The following PTPRN2 variants were observed in gnomAD, a reference collection of about 807,000 sequenced individuals.
PTPRN2 encodes receptor-type tyrosine-protein phosphatase N2.
PTPRN2 carries 74 observed loss-of-function variants against 118.8 expected under a neutral mutation model. The observed-to-expected ratio is 0.62, with a 90% confidence interval of 0.52 to 0.76. The LOEUF (loss-of-function observed/expected upper bound fraction) is 0.76. Ranked by LOEUF, PTPRN2 falls within the 30% of genes least tolerant of loss-of-function variation. PTPRN2 has a pLI of 0.00. For synonymous variants in PTPRN2, 641 were observed against 608.0 expected, an observed-to-expected ratio of 1.05 and a Z score of -0.80; for missense variants, 1,481 against 1,394.4, an observed-to-expected ratio of 1.06 and a Z score of -0.99.
chr7:157,843,507 C>A (rs1808581790), intron 12 of PTPRN2, among the ~76,000 whole-genome samples: 1 of 152,200 alleles, frequency 6.6e-6, no homozygotes, highest in African/African-American at 2.4e-5. Flanking sequence ...TGCCTCTGAG[C>A]CTCCCCTGGA....
At chr7:158,388,610 C>A (rs1056890316) in intron 2 of PTPRN2, among the ~76,000 whole-genome samples, 1 of 152,182 alleles carries the variant, frequency 6.6e-6, no homozygotes. Context: ...GCTCCATGAA[C>A]CTCTCACTTA....
rs534306460 is a variant in PTPRN2, at chr7:158,085,157, C to T, written c.1644-3780G>A. On this transcript the variant is annotated intron_variant, in intron 10 of 22. Transcript: ENST00000389418. ...CCACCACACCCATCCACACCCTCGA[C>T]GCCCATCCAGATACCCATCCACACC... Among the ~76,000 whole-genome samples, 34 of 134,964 alleles carry T rather than the reference C, an allele frequency of 2.5e-4. 2 individuals carry two copies. In the South Asian group the frequency reaches 8.5e-3, roughly 34 times the overall value. 88.5% of individuals were successfully genotyped at this position (134,964 alleles called of 152,430 possible).
chr7:157,552,585 G>A (rs937794510), intron 21 of PTPRN2, among the ~76,000 whole-genome samples: 1 of 152,180 alleles, frequency 6.6e-6, no homozygotes, highest in Admixed American at 6.5e-5. Flanking sequence ...TTGGCCATAC[G>A]CTGCTGGGTT....
intron 2 of PTPRN2, among the ~76,000 whole-genome samples, chr7:158,480,184 C>T (rs1464235384): frequency 4.6e-5 from 7 of 152,288 alleles, no homozygotes; most frequent in African/African-American, 1.2e-4. Context: ...AGGAGTCCAT[C>T]GGCACCATTT....
chr7:158,478,594 C>A (rs1275684005), intron 2 of PTPRN2, among the ~76,000 whole-genome samples: 2 of 152,184 alleles, frequency 1.3e-5, no homozygotes, highest in African/African-American at 4.8e-5. Flanking sequence ...CATCCCTGAG[C>A]TGGACCCACA....
chr7:158,231,652 G>A (rs562581676), intron 3 of PTPRN2, among the ~76,000 whole-genome samples: 6 of 152,168 alleles, frequency 3.9e-5, no homozygotes, highest in South Asian at 2.1e-4. Context: ...CATTTCACCC[G>A]ACTGCTACAG....
chr7:158,057,096 C>T (rs1039451343), intron 11 of PTPRN2, among the ~76,000 whole-genome samples: 22 of 152,248 alleles, frequency 1.4e-4, no homozygotes, highest in African/African-American at 4.3e-4. Context: ...GCCCAGCTCC[C>T]GATTCCGCTC....
chr7:158,525,372 G>GC lies in PTPRN2; in HGVS notation c.113-35588dup, dbSNP rs964784918. ...GAAGGTAGCACGGGCAGGATGCTAG[G>GC]CCCCAGGGGCCATGGGCTACGCACG... is the stretch of plus-strand genomic sequence containing the variant. On this transcript the variant is annotated intron_variant, in intron 1 of 22. Transcript: ENST00000389418. This position sits in a 1 kb window ranked among gnomAD's most constrained non-coding sequence, Gnocchi z 4.1. Among the ~76,000 whole-genome samples the GC allele has an allele frequency of 2.6e-5, 4 of 152,216 alleles. No homozygotes were observed. Among genetic ancestry groups the GC allele is most frequent in the African/African-American group, 9.6e-5 (4 of 41,454 alleles).
In PTPRN2 at chr7:158,579,018, C is replaced by A. The variant is rs560958896; in HGVS notation, c.112+8540G>T. Among the ~76,000 whole-genome samples the A allele has an allele frequency of 9.8e-3, 1,488 of 152,290 alleles. 27 individuals carry two copies. Among genetic ancestry groups the A allele is most frequent in the African/African-American group, 0.033 (1,379 of 41,562 alleles). On this transcript the variant is annotated intron_variant, in intron 1 of 22. Coordinates refer to ENST00000389418, the MANE Select transcript of PTPRN2 (RefSeq NM_002847.5). Reference sequence around the variant, plus strand: ...CCTCAGATGATCTGCCCACCTCAGCCTCCCGAAGTGCTGGGATTACAGGCG... The same window carrying A: ...CCTCAGATGATCTGCCCACCTCAGCATCCCGAAGTGCTGGGATTACAGGCG...
At chr7:157,725,272 G>C (rs2952639) in intron 12 of PTPRN2, among the ~76,000 whole-genome samples, 45,040 of 109,868 alleles carry the variant, frequency 0.41, 8,661 homozygotes, top group Middle Eastern at 0.52. Flanking sequence ...GCCAGACCCT[G>C]GCCTCCCAGG....
intron 11 of PTPRN2, among the ~76,000 whole-genome samples, chr7:158,001,366 G>A (rs1805247861): frequency 6.6e-6 from 1 of 151,984 alleles, no homozygotes; most frequent in African/African-American, 2.4e-5. Flanking sequence ...GCAACCCAGA[G>A]GTAGAGTTCA....
intron 14 of PTPRN2, among the ~76,000 whole-genome samples, chr7:157,646,383 C>T (rs1465250): frequency 6.6e-6 from 1 of 152,050 alleles, no homozygotes; most frequent in Non-Finnish European, 1.5e-5. Context: ...TGCCATGTGA[C>T]GTCTTGGCTC....
chr7:158,415,501 T>G (rs962410206), intron 2 of PTPRN2, among the ~76,000 whole-genome samples: 1 of 152,166 alleles, frequency 6.6e-6, no homozygotes, highest in Admixed American at 6.5e-5. Context: ...GATTCAGATG[T>G]CACTGCTCCG....
intron 14 of PTPRN2, among the ~76,000 whole-genome samples, chr7:157,650,035 G>C (rs2150722261): frequency 6.6e-6 from 1 of 152,092 alleles, no homozygotes; most frequent in South Asian, 2.1e-4. Context: ...ACGCGTAAAT[G>C]GCTCTCAAAG....
chr7:157,997,767 C>T (rs1804866906), intron 11 of PTPRN2, among the ~76,000 whole-genome samples: 1 of 149,054 alleles, frequency 6.7e-6, no homozygotes, highest in Non-Finnish European at 1.5e-5. Flanking sequence ...CAGACCAGCC[C>T]CTGCACAGAG....
At chr7:158,545,350 C>T (rs1051806590) in intron 1 of PTPRN2, among the ~76,000 whole-genome samples, 4 of 152,346 alleles carry the variant, frequency 2.6e-5, no homozygotes, top group Admixed American at 1.3e-4. Context: ...TGCAGACCGA[C>T]GCAGTGGGAG....
intron 14 of PTPRN2, among the ~76,000 whole-genome samples, chr7:157,635,281 C>A (rs1258147493): frequency 2.6e-5 from 4 of 152,264 alleles, no homozygotes; most frequent in Non-Finnish European, 5.9e-5. Flanking sequence ...AGGGTACAGG[C>A]ACCCACGGAA....
intron 2 of PTPRN2, among the ~76,000 whole-genome samples, chr7:158,398,379 A>G (rs1812687360): frequency 6.6e-6 from 1 of 152,104 alleles, no homozygotes; most frequent in African/African-American, 2.4e-5. Context: ...CAGCTGCCTC[A>G]TCCTCCCCCA....
intron 1 of PTPRN2, among the ~76,000 whole-genome samples, chr7:158,506,032 G>A (rs765778502): frequency 6.6e-6 from 1 of 152,246 alleles, no homozygotes; most frequent in African/African-American, 2.4e-5. Context: ...GGCTGCAGAG[G>A]GTGAGGAGGG....
Sources: allele counts gnomAD v4.1 joint callset (sites outside exome capture counted in the v4.1 genomes callset), GRCh38; gene constraint gnomAD v4.1.1; non-coding constraint Gnocchi (gnomAD v3.1); transcripts MANE v1.5; gene names NCBI Gene and HGNC (gene_info 2026-07-23, HGNC 2026-07-21).